The following SART3 variants were observed in gnomAD, a reference collection of about 807,000 sequenced individuals.
SART3 encodes HIV-1 Tat-interacting protein of 110kDa.
Under a neutral mutation model 122.3 loss-of-function variants are expected in SART3, and 44 were observed. The ratio of observed to expected loss-of-function variants is 0.36; its 90% CI spans 0.28 to 0.46. The LOEUF (loss-of-function observed/expected upper bound fraction) is 0.46, where lower values mean the gene tolerates loss of function less well. Among genes scored for constraint, SART3 ranks in the 20% least tolerant of loss-of-function variants. SART3 has a pLI of 1.00. For synonymous variants in SART3, 442 were observed against 454.0 expected, an observed-to-expected ratio of 0.97 and a Z score of 0.34; for missense variants, 1,101 against 1,229.0, an observed-to-expected ratio of 0.90 and a Z score of 1.56.
At chr12:108,548,051 T>C (rs1421534003) in intron 2 of SART3, 60 bp from the exon 3 acceptor site, 10 of 1,406,464 alleles carry the variant, frequency 7.1e-6, no homozygotes, top group Non-Finnish European at 9.0e-6. Flanking sequence ...GCAGGGACTT[T>C]ACCAAGAGAC....
chr12:108,526,643 C>T (rs1872399054), intron 15 of SART3, 90 bp from the exon 16 acceptor site: 1 of 1,365,940 alleles, frequency 7.3e-7, no homozygotes, highest in Non-Finnish European at 1.0e-6. Flanking sequence ...AGTGCTGTGA[C>T]AGCTGCATGT....
In SART3 at chr12:108,532,495, A is replaced by C. The variant is rs563403727; in HGVS notation, c.1557-161T>G. 1.2e-4 allele frequency: 74 copies of C among 636,382 alleles called. No individual in the cohort carries two copies. In the East Asian group the frequency reaches 2.0e-3, roughly 17 times the overall value. 39.4% of individuals were successfully genotyped at this position (636,382 alleles called of 1,614,324 possible). A position where few individuals can be genotyped will look rare whatever the true frequency, so the allele number is the denominator to read the frequency against. On this transcript the variant is annotated intron_variant, in intron 12 of 18. Coordinates refer to ENST00000546815, the MANE Select transcript of SART3 (RefSeq NM_014706.4). ...TATCCATGATGCTTTCTCCTTCCAG[A>C]GTCTCTACAGTCACCTACGAAGTAT...
At chr12:108,546,668 G>A (rs1873435761) in intron 3 of SART3, among the ~76,000 whole-genome samples, 1 of 152,022 alleles carries the variant, frequency 6.6e-6, no homozygotes, top group South Asian at 2.1e-4. Context: ...TTACAGGCCT[G>A]CATGCCACCC....
At chr12:108,546,965 A>G (rs1286259119) in intron 3 of SART3, among the ~76,000 whole-genome samples, 1 of 152,188 alleles carries the variant, frequency 6.6e-6, no homozygotes, top group Non-Finnish European at 1.5e-5. Context: ...GATTACAGGT[A>G]CGTGCCACCA....
At chr12:108,544,704 C>A in intron 4 of SART3, 5 of 649,798 alleles carry the variant, frequency 7.7e-6, no homozygotes, top group Non-Finnish European at 1.4e-5. Flanking sequence ...TAGCTAGGAC[C>A]ACAGGCATAC....
chr12:108,529,306 C>T (rs1037670524), intron 15 of SART3, among the ~76,000 whole-genome samples: 5 of 151,822 alleles, frequency 3.3e-5, no homozygotes, highest in African/African-American at 1.2e-4. Flanking sequence ...CGCACACGCA[C>T]ACACACACAC....
In SART3 at chr12:108,538,169, G is replaced by A. The variant is rs1312964455; in HGVS notation, c.1097C>T (p.Ser366Phe). 1 of 1,614,198 alleles carries A rather than the reference G, an allele frequency of 6.2e-7. No individual in the cohort carries two copies. Among genetic ancestry groups the A allele is most frequent in the Non-Finnish European group, 8.5e-7 (1 of 1,180,022 alleles). ...GTTTCTAATAGCGCGGTTATGTACA[G>A]ATAAAACCAAATCCTTTACTTTCAG... ...RQLKVKDLVL[S>F]VHNRAIRNCP... The change falls in exon 8 of 19, where the codon TCT becomes TTT. Residue 366 changes from serine to phenylalanine, a missense_variant. This residue lies in a region of SART3 where 885 missense variants were observed against 1,080.1 expected (regional missense o/e 0.82). Coordinates refer to ENST00000546815, the MANE Select transcript of SART3 (RefSeq NM_014706.4).
chr12:108,524,316 G>A lies in SART3; in HGVS notation c.2714C>T (p.Ala905Val), dbSNP rs757816099. The A allele has an allele frequency of 8.1e-6, 13 of 1,612,992 alleles. No individual in the cohort carries two copies. Among genetic ancestry groups the A allele is most frequent in the African/African-American group, 2.7e-5 (2 of 74,900 alleles). ...GPMLLPQTYG[A>V]RGKGRTQLSL... ...ACTAGTCTACCATGCAAGCACTTACGCTCCGTATGTCTGCGGCAAAAGCAT... is the reference window on the plus strand; with the variant it reads ...ACTAGTCTACCATGCAAGCACTTACACTCCGTATGTCTGCGGCAAAAGCAT... Residue 905 changes from alanine (A) to valine (V), a missense_variant and splice_region_variant, in exon 18 of 19, where the codon GCG (alanine) becomes GTG (valine). Transcript: ENST00000546815.
Position 108,561,018 on chromosome 12 carries a change from G to T in SART3, c.137C>A (p.Ala46Glu), listed in dbSNP as rs1431737103. 1 of 1,614,116 alleles carries T rather than the reference G, an allele frequency of 6.2e-7. No individual in the cohort carries two copies. The highest frequency in any genetic ancestry group is 2.2e-5 in the East Asian group (1 of 44,884). The change falls in exon 1 of 19, where the codon GCG becomes GAG. Residue 46 changes from alanine (A) to glutamate (E), a missense_variant. Physicochemically the swap from Ala to Glu is moderately radical, Grantham distance 107. Coordinates refer to ENST00000546815, the MANE Select transcript of SART3 (RefSeq NM_014706.4). ...CGCTGGCCCCATGGTCTTGTATGTC[G>T]CAGCGGCCACAGCCCGCGATAACAC... ...RKVLSRAVAA[A>E]TYKTMGPAWD...
intron 12 of SART3, among the ~76,000 whole-genome samples, chr12:108,533,638 T>C (rs1872779069): frequency 6.6e-6 from 1 of 152,246 alleles, no homozygotes; most frequent in South Asian, 2.1e-4. Context: ...TTTGGAAAAC[T>C]TGTATCTGCC....
chr12:108,550,535 C>T (rs78885520), intron 1 of SART3, among the ~76,000 whole-genome samples: 2 of 152,136 alleles, frequency 1.3e-5, no homozygotes, highest in Admixed American at 1.3e-4. Context: ...ACTGAGAAAA[C>T]TATTCAAAGC....
At chr12:108,548,365 G>A (rs540681689) in intron 2 of SART3, among the ~76,000 whole-genome samples, 40 of 152,278 alleles carry the variant, frequency 2.6e-4, no homozygotes, top group African/African-American at 8.7e-4. Context: ...ATCCTATACC[G>A]TCATACATTA....
intron 13 of SART3, 121 bp from the exon 14 acceptor site, chr12:108,531,401 T>C (rs1428561097): frequency 9.4e-6 from 7 of 748,420 alleles, no homozygotes; most frequent in Non-Finnish European, 1.6e-5. Context: ...AATAAGAAAA[T>C]GTAATCCCTG....
In SART3 at chr12:108,523,744, A is replaced by G. The variant is rs996045613; in HGVS notation, c.2715-110T>C. 1.3e-5 allele frequency: 9 copies of G among 669,240 alleles called. No homozygotes were observed. In the African/African-American group the frequency reaches 3.0e-4, roughly 23 times the overall value. 41.5% of individuals were successfully genotyped at this position (669,240 alleles called of 1,614,324 possible). A position where few individuals can be genotyped will look rare whatever the true frequency, so the allele number is the denominator to read the frequency against. On this transcript the variant is annotated intron_variant, in intron 18 of 18. Coordinates refer to ENST00000546815, the MANE Select transcript of SART3 (RefSeq NM_014706.4). ...TAATATAACCAGAAGTTAAAAGGTGAAAAAAAAAAAGGATAAGATAATCCC... is the reference window on the plus strand; with the variant it reads ...TAATATAACCAGAAGTTAAAAGGTGGAAAAAAAAAAGGATAAGATAATCCC...
In SART3 at chr12:108,523,333, G is replaced by T. The variant is rs933012744; in HGVS notation, c.*124C>A. 1 of 990,066 alleles carries T rather than the reference G, an allele frequency of 1.0e-6. No individual in the cohort carries two copies. Among genetic ancestry groups the T allele is most frequent in the Non-Finnish European group, 1.6e-6 (1 of 616,120 alleles). 61.3% of individuals were successfully genotyped at this position (990,066 alleles called of 1,614,324 possible). A position where few individuals can be genotyped will look rare whatever the true frequency, so the allele number is the denominator to read the frequency against. On this transcript the variant is annotated 3_prime_UTR_variant, in exon 19 of 19. Transcript: ENST00000546815. ...CCTTCCCCTTTCTGTCTAAAGCCGAGGAGCCATCTGTGGTTGCGAGCACGC... is the reference window on the plus strand; with the variant it reads ...CCTTCCCCTTTCTGTCTAAAGCCGATGAGCCATCTGTGGTTGCGAGCACGC...
At position 108,524,513 on chromosome 12, in the gene SART3, G is replaced by A. The variant is rs1402549726; in HGVS notation, c.2524-7C>T. ...ACTCCACGTAGGCCAGGCCCTGGAA[G>A]AGGCAAGATCCAGAACCAAGTCAGA... is the stretch of plus-strand genomic sequence containing the variant. On this transcript the variant is annotated splice_region_variant and splice_polypyrimidine_tract_variant and intron_variant, in intron 17 of 18. Transcript: ENST00000546815. 2.5e-6 allele frequency: 4 copies of A among 1,614,134 alleles called. No homozygotes were observed. Among genetic ancestry groups the A allele is most frequent in the Non-Finnish European group, 3.4e-6 (4 of 1,179,988 alleles).
chr12:108,530,122 A>G lies in SART3; in HGVS notation c.1915+20T>C, dbSNP rs753427722. On this transcript the variant is annotated intron_variant, in intron 15 of 18. Coordinates refer to ENST00000546815, the MANE Select transcript of SART3 (RefSeq NM_014706.4). ...TAACTTTAAGACGTTTCAAAACACA[A>G]TTTCTCAAGAGCTCCTTACCTTCTT... is the stretch of plus-strand genomic sequence containing the variant. The G allele has an allele frequency of 2.5e-6, 4 of 1,613,712 alleles. No homozygotes were observed. The highest frequency in any genetic ancestry group is 3.3e-5 in the Admixed American group (2 of 59,994).
intron 13 of SART3, 44 bp downstream of exon 13, chr12:108,532,178 C>A: frequency 1.3e-6 from 2 of 1,556,760 alleles, no homozygotes; most frequent in Non-Finnish European, 1.8e-6. Flanking sequence ...GACCAAACAG[C>A]AAATGGGTTA....
At chr12:108,548,435 T>C (rs541188456) in intron 2 of SART3, among the ~76,000 whole-genome samples, 4 of 152,334 alleles carry the variant, frequency 2.6e-5, no homozygotes, top group Admixed American at 1.3e-4. Context: ...CTTAGAATGT[T>C]TACATAATTT....
Sources: gnomAD v4.1 joint callset for allele counts (sites outside exome capture counted in the v4.1 genomes callset) on GRCh38, gnomAD v4.1.1 for gene constraint, gnomAD v4.1.1 regional missense constraint, MANE v1.5 for transcripts, NCBI Gene and HGNC (gene_info 2026-07-23, HGNC 2026-07-21) for gene names.